XAGE3: variants seen among roughly 807,000 people sequenced by gnomAD.
XAGE3 encodes the protein CT12.3.
A neutral mutation model predicts 9.2 loss-of-function variants in XAGE3; 6 were observed. The ratio of observed to expected loss-of-function variants is 0.65; its 90% CI spans 0.36 to 1.29. The LOEUF (loss-of-function observed/expected upper bound fraction) is 1.29. Ranked by LOEUF, XAGE3 falls within the 50% of genes most tolerant of loss-of-function variation. The pLI is 0.03. For synonymous variants in XAGE3, 26 were observed against 28.2 expected (o/e 0.92, Z 0.25); for missense variants, 70 against 82.8 (o/e 0.85, Z 0.60).
At chrX:52,863,340 T>C (rs1375995887) in intron 4 of XAGE3, among the ~76,000 whole-genome samples, 1 of 112,232 alleles carries the variant, frequency 8.9e-6, no homozygotes, top group Non-Finnish European at 1.9e-5. Context: ...ACATTTGGTT[T>C]AATCTATCAC....
In XAGE3 at chrX:52,865,794, T is replaced by C. The variant is rs782113455; in HGVS notation, c.187+639A>G. Among the ~76,000 whole-genome samples, 6 of 112,163 alleles carry C rather than the reference T, an allele frequency of 5.3e-5. No individual in the cohort carries two copies. The South Asian group carries it at 1.8e-3, about 34-fold the overall frequency. ...GTTGCTATCCTGCTTCACTGAACTT[T>C]GTTTTGTCCTGAGCCAATACTGAAG... On this transcript the variant is annotated intron_variant, in intron 3 of 4. Transcript: ENST00000346279.
intron 2 of XAGE3, 150 bp from the exon 3 acceptor site, chrX:52,866,688 T>C: frequency 1.8e-6 from 1 of 554,401 alleles, no homozygotes; most frequent in East Asian, 3.7e-5. Context: ...CACATACTTA[T>C]TTTTCATAAA....
chrX:52,866,489 C>T lies in XAGE3; in HGVS notation c.131G>A (p.Arg44Gln), dbSNP rs1556784439. 10 of 1,211,113 alleles carry T rather than the reference C, an allele frequency of 8.3e-6. No homozygotes were observed. In the South Asian group the frequency reaches 8.8e-5, roughly 11 times the overall value. Residue 44 changes from arginine (R) to glutamine (Q), a missense_variant, in exon 3 of 5, where the codon CGG (arginine) becomes CAG (glutamine). Coordinates refer to ENST00000346279, the MANE Select transcript of XAGE3 (RefSeq NM_133179.3). ...PQQEEPPTES[R>Q]DPAPGQEREE... ...TCTCTCCTGACCAGGTGCAGGATCC[C>T]GACTTTCAGTTGGTGGTTCCTCTTG...
chrX:52,864,759 A>G lies in XAGE3; in HGVS notation c.313+16T>C. 8.3e-7 allele frequency: 1 copy of G among 1,210,011 alleles called. No individual in the cohort carries two copies. Among genetic ancestry groups the G allele is most frequent in the African/African-American group, 1.7e-5 (1 of 57,768 alleles). On this transcript the variant is annotated intron_variant, in intron 4 of 4. Coordinates refer to ENST00000346279, the MANE Select transcript of XAGE3 (RefSeq NM_133179.3). ...TATTGTGGAAAACAGAAAGCACATA[A>G]TAATGGATAGCATACCTCCTTCTGG...
intron 3 of XAGE3, 44 bp downstream of exon 3, chrX:52,866,389 C>G: frequency 7.0e-6 from 8 of 1,150,309 alleles, no homozygotes; most frequent in Non-Finnish European, 8.3e-6. Flanking sequence ...ACACATAGGC[C>G]TCCTCCCCTC....
chrX:52,867,827 C>G (rs1927931895), intron 1 of XAGE3, among the ~76,000 whole-genome samples, 179 bp downstream of exon 1: 1 of 111,241 alleles, frequency 9.0e-6, no homozygotes, highest in Admixed American at 9.6e-5. Flanking sequence ...TTCCCTCATT[C>G]TGACTTCACC....
rs1927763575 is a variant in XAGE3 at position 52,862,582 on chromosome X, TA to T, written c.*35del. 8.3e-7 allele frequency: 1 copy of T among 1,205,197 alleles called. No individual in the cohort carries two copies. The highest frequency in any genetic ancestry group is 1.8e-5 in the South Asian group (1 of 55,374). ...ATATTTTTAAGTCAAATATCTTAGA[TA>T]AAAACAGTTTTGTGTTGTTTCAGCT... On this transcript the variant is annotated 3_prime_UTR_variant, in exon 5 of 5. Coordinates refer to ENST00000346279, the MANE Select transcript of XAGE3 (RefSeq NM_133179.3).
rs782530464 is a variant in XAGE3, at chrX:52,867,057, A to C, written c.77T>G (p.Met26Arg). 8.3e-6 allele frequency: 10 copies of C among 1,210,735 alleles called. No homozygotes were observed. In the East Asian group the frequency reaches 3.0e-4, roughly 36 times the overall value. The change falls in exon 2 of 5, where the codon ATG becomes AGG. Residue 26 changes from methionine to arginine, a missense_variant. Met to Arg is a moderately conservative substitution (Grantham distance 91). Coordinates refer to ENST00000346279, the MANE Select transcript of XAGE3 (RefSeq NM_133179.3). ...SVPPPELIGP[M>R]LEPGDEEPQQ... is the part of the protein sequence containing the mutation. ...ATCAAAGGTTAAGGCACTCACCAGC[A>C]TAGGCCCAATCAGCTCAGGAGGTGG...
rs1326867941 is a variant in XAGE3 at position 52,862,560 on chromosome X, T to A, written c.*58A>T. The A allele has an allele frequency of 1.2e-5, 14 of 1,191,334 alleles. No homozygotes were observed. The highest frequency in any genetic ancestry group is 1.4e-5 in the Non-Finnish European group (12 of 882,242). On this transcript the variant is annotated 3_prime_UTR_variant, in exon 5 of 5. Coordinates refer to ENST00000346279, the MANE Select transcript of XAGE3 (RefSeq NM_133179.3). ...AAAGCTGCAAAAGTTTATTTCGATA[T>A]TTTTAAGTCAAATATCTTAGATAAA...
chrX:52,862,753 A>C (rs1271046842), intron 4 of XAGE3, 113 bp from the exon 5 acceptor site: 5 of 969,019 alleles, frequency 5.2e-6, no homozygotes, highest in Non-Finnish European at 7.1e-6. Flanking sequence ...ATTAAACCAG[A>C]AGCCTAAGAG....
At position 52,866,548 on chromosome X, in the gene XAGE3, G is replaced by A. The variant is rs781984304; in HGVS notation, c.82-10C>T. 1.7e-5 allele frequency: 20 copies of A among 1,200,666 alleles called. No homozygotes were observed. Among genetic ancestry groups the A allele is most frequent in the Non-Finnish European group, 2.3e-5 (20 of 888,293 alleles). On this transcript the variant is annotated splice_polypyrimidine_tract_variant and intron_variant, in intron 2 of 4. Coordinates refer to ENST00000346279, the MANE Select transcript of XAGE3 (RefSeq NM_133179.3). ...CCTCATCACCGGGCTCCTGGAACCAGGGGTGTGTGTGTGTGTGTGTGTGTG... is the reference window on the plus strand; with the variant it reads ...CCTCATCACCGGGCTCCTGGAACCAAGGGTGTGTGTGTGTGTGTGTGTGTG...
chrX:52,865,890 G>A (rs1266557195), intron 3 of XAGE3, among the ~76,000 whole-genome samples: 4 of 111,870 alleles, frequency 3.6e-5, no homozygotes, highest in Admixed American at 9.5e-5. Context: ...AATGTGAATG[G>A]TAGGGAGAAC....
In XAGE3 at chrX:52,864,780, T is replaced by C. The variant is rs1556784195; in HGVS notation, c.308A>G (p.Glu103Gly). 5 of 1,209,373 alleles carry C rather than the reference T, an allele frequency of 4.1e-6. No homozygotes were observed. The highest frequency in any genetic ancestry group is 5.6e-6 in the Non-Finnish European group (5 of 894,729). ...LPKSEQFKMP[E>G]GGDRQPQV ...CATAATAATGGATAGCATACCTCCTTCTGGCATTTTAAATTGTTCTGATTT... is the reference window on the plus strand; with the variant it reads ...CATAATAATGGATAGCATACCTCCTCCTGGCATTTTAAATTGTTCTGATTT... The change falls in exon 4 of 5, where the codon GAA becomes GGA. Residue 103 changes from glutamate (E) to glycine (G), a missense_variant. Coordinates refer to ENST00000346279, the MANE Select transcript of XAGE3 (RefSeq NM_133179.3).
chrX:52,863,854 T>C (rs1288828225), intron 4 of XAGE3, among the ~76,000 whole-genome samples: 2 of 111,888 alleles, frequency 1.8e-5, no homozygotes, highest in African/African-American at 6.5e-5. Context: ...ACCTCTTTCC[T>C]TTTCCCTTAG....
chrX:52,865,938 A>G (rs1278043117), intron 3 of XAGE3, among the ~76,000 whole-genome samples: 4 of 111,685 alleles, frequency 3.6e-5, no homozygotes, highest in Non-Finnish European at 7.5e-5. Flanking sequence ...CTTCTCCATG[A>G]CTCAACTGTT....
intron 3 of XAGE3, 65 bp from the exon 4 acceptor site, chrX:52,864,965 T>C: frequency 2.6e-6 from 3 of 1,164,813 alleles, no homozygotes; most frequent in Non-Finnish European, 3.5e-6. Flanking sequence ...GAAATGATAA[T>C]ATTCTTTTCC....
intron 4 of XAGE3, among the ~76,000 whole-genome samples, chrX:52,862,974 A>T (rs1927790593): frequency 8.9e-6 from 1 of 112,650 alleles, no homozygotes; most frequent in Non-Finnish European, 1.9e-5. Context: ...TTTAATAAAA[A>T]TATGACCAAC....
At chrX:52,863,349 A>G (rs1927804909) in intron 4 of XAGE3, among the ~76,000 whole-genome samples, 1 of 112,184 alleles carries the variant, frequency 8.9e-6, no homozygotes, top group African/African-American at 3.2e-5. Context: ...TTAATCTATC[A>G]CTATTATTTT....
Position 52,866,422 on chromosome X carries a change from C to T in XAGE3, c.187+11G>A. On this transcript the variant is annotated intron_variant, in intron 3 of 4. Coordinates refer to ENST00000346279, the MANE Select transcript of XAGE3 (RefSeq NM_133179.3). ...CTCCCCATAGACATTCTTTCTTTCC[C>T]TTCCCAGCACCTTGAGTCTCAGCTG... 2 of 1,207,996 alleles carry T rather than the reference C, an allele frequency of 1.7e-6. No individual in the cohort carries two copies. Among genetic ancestry groups the T allele is most frequent in the Non-Finnish European group, 2.2e-6 (2 of 893,308 alleles).
Sources: allele counts gnomAD v4.1 joint callset (sites outside exome capture counted in the v4.1 genomes callset), GRCh38; gene constraint gnomAD v4.1.1; transcripts MANE v1.5; gene names NCBI Gene and HGNC (gene_info 2026-07-23, HGNC 2026-07-21).